The following DSE variants were observed in gnomAD, a reference collection of about 807,000 sequenced individuals.
DSE encodes the protein dermatan sulfate epimerase.
A neutral mutation model predicts 84.4 loss-of-function variants in DSE; 36 were observed. The observed-to-expected ratio is 0.43, with a 90% CI of 0.33 to 0.56. The LOEUF (loss-of-function observed/expected upper bound fraction) is 0.56, where lower values mean the gene tolerates loss of function less well. Among genes scored for constraint, DSE ranks in the 20% least tolerant of loss-of-function variants. DSE has a pLI of 0.06. For synonymous variants in DSE, 410 were observed against 430.1 expected, an observed-to-expected ratio of 0.95 and a Z score of 0.58; for missense variants, 862 against 1,169.6, an observed-to-expected ratio of 0.74 and a Z score of 3.84.
chr6:116,277,199 G>A (rs1309315044), intron 2 of DSE: 1 of 152,606 alleles, frequency 6.6e-6, no homozygotes, highest in African/African-American at 2.4e-5. Context: ...CATAAATTAG[G>A]TCACAAAACA....
At position 116,435,899 on chromosome 6, in the gene DSE, C is replaced by T. The variant is rs149181929; in HGVS notation, c.1431C>T (p.Tyr477=). The T allele has an allele frequency of 1.9e-6, 3 of 1,614,152 alleles. No individual in the cohort carries two copies. The highest frequency in any genetic ancestry group is 1.3e-5 in the African/African-American group (1 of 75,030). ...CTGAGGCTCTGTACGGGCCAAAGTA[C>T]ACCTTCTTCAACAATGTTTTGATGT... ...FITEALYGPK[Y]TFFNNVLMFS... Residue 477 remains tyrosine, a synonymous_variant, in exon 6 of 6, where the codon TAC becomes TAT. Transcript: ENST00000644252.
chr6:116,400,079 G>C (rs954731917), intron 2 of DSE: 1 of 168,796 alleles, frequency 5.9e-6, no homozygotes, highest in Middle Eastern at 2.8e-3. Flanking sequence ...TTTTATGATC[G>C]TAAGGAACTA....
chr6:116,426,014 C>T (rs1315167723), intron 2 of DSE, among the ~76,000 whole-genome samples: 1 of 152,202 alleles, frequency 6.6e-6, no homozygotes, highest in Non-Finnish European at 1.5e-5. Flanking sequence ...AGAATCAGCT[C>T]CCACTCACGT....
chr6:116,263,157 T>C (rs563211129), intron 2 of DSE, among the ~76,000 whole-genome samples: 1 of 152,336 alleles, frequency 6.6e-6, no homozygotes, highest in African/African-American at 2.4e-5. Flanking sequence ...GTTCAGGTCC[T>C]AAATATCTTT....
chr6:116,368,327 G>A (rs1779282800), upstream of DSE, among the ~76,000 whole-genome samples: 2 of 152,174 alleles, frequency 1.3e-5, no homozygotes, highest in Non-Finnish European at 1.5e-5. Context: ...ATCCAGTGTC[G>A]GTTGGCAGAG....
intron 2 of DSE, among the ~76,000 whole-genome samples, chr6:116,313,959 A>G (rs1775833036): frequency 6.6e-6 from 1 of 152,124 alleles, no homozygotes; most frequent in Non-Finnish European, 1.5e-5. Context: ...GTAAACTTAA[A>G]CCACCTAGGC....
At chr6:116,279,248 G>C in intron 2 of DSE, 1 of 1,608,614 alleles carries the variant, frequency 6.2e-7, no homozygotes, top group South Asian at 1.1e-5. Context: ...TCTGGCGGCT[G>C]CTCCTCTACC....
intron 5 of DSE, 117 bp from the exon 6 acceptor site, chr6:116,435,470 A>T: frequency 1.0e-6 from 1 of 1,004,720 alleles, no homozygotes; most frequent in Non-Finnish European, 1.4e-6. Flanking sequence ...TCCCTAATAT[A>T]CTCTGCACTG....
At chr6:116,372,417 G>A (rs1444344680) in intron 1 of DSE, among the ~76,000 whole-genome samples, 1 of 152,192 alleles carries the variant, frequency 6.6e-6, no homozygotes, top group African/African-American at 2.4e-5. Context: ...GCAGTGAGCC[G>A]AGATTGCGCC....
chr6:116,258,007 C>G (rs1190354873), intron 1 of DSE, among the ~76,000 whole-genome samples: 1 of 152,160 alleles, frequency 6.6e-6, no homozygotes, highest in East Asian at 1.9e-4. Context: ...TCAGATATAA[C>G]ATTTATTTTT....
chr6:116,433,274 A>G (rs1783956091), intron 4 of DSE, 69 bp from the exon 5 acceptor site: 1 of 1,427,122 alleles, frequency 7.0e-7, no homozygotes, highest in Non-Finnish European at 9.5e-7. Context: ...TTGAAAAGTC[A>G]TTGTTTAGAC....
At chr6:116,329,659 CTA>C (rs1394360012) in intron 2 of DSE, among the ~76,000 whole-genome samples, 1 of 152,178 alleles carries the variant, frequency 6.6e-6, no homozygotes, top group African/African-American at 2.4e-5. Flanking sequence ...CTTCAATCAA[CTA>C]TGAGTGATGT....
upstream of DSE, among the ~76,000 whole-genome samples, chr6:116,365,545 A>C (rs556743315): frequency 2.0e-5 from 3 of 152,320 alleles, no homozygotes; most frequent in East Asian, 3.9e-4. Context: ...GAGCCACCGC[A>C]CGTGGCCGGA....
At chr6:116,293,618 G>A (rs377030121) in intron 2 of DSE, among the ~76,000 whole-genome samples, 6 of 152,266 alleles carry the variant, frequency 3.9e-5, no homozygotes, top group Admixed American at 3.9e-4. Context: ...AAATGAGCTA[G>A]AGGCCAGACA....
At chr6:116,327,385 G>A (rs1447226762) in intron 2 of DSE, among the ~76,000 whole-genome samples, 1 of 152,192 alleles carries the variant, frequency 6.6e-6, no homozygotes, top group Non-Finnish European at 1.5e-5. Flanking sequence ...GAAGTGGAGA[G>A]TTTAAGGGAC....
intron 2 of DSE, among the ~76,000 whole-genome samples, chr6:116,295,039 T>A (rs1471340050): frequency 1.3e-5 from 2 of 151,994 alleles, no homozygotes; most frequent in Admixed American, 6.6e-5. Flanking sequence ...GGAGGGTGAT[T>A]TGGAAATAAA....
intron 2 of DSE, among the ~76,000 whole-genome samples, chr6:116,306,807 A>T (rs1775373877): frequency 6.6e-6 from 1 of 152,116 alleles, no homozygotes; most frequent in African/African-American, 2.4e-5. Context: ...TAATGATGGG[A>T]TTTGTGCCCT....
intron 2 of DSE, among the ~76,000 whole-genome samples, chr6:116,349,818 T>G (rs1227369144): frequency 6.6e-6 from 1 of 152,160 alleles, no homozygotes; most frequent in Admixed American, 6.5e-5. Flanking sequence ...TATTCAGCAG[T>G]TTTTCAAGCC....
At chr6:116,345,636 T>G (rs1777909620) in intron 2 of DSE, among the ~76,000 whole-genome samples, 1 of 152,100 alleles carries the variant, frequency 6.6e-6, no homozygotes, top group Non-Finnish European at 1.5e-5. Flanking sequence ...GAGGGAAATT[T>G]ATAGCACTAA....
Sources: allele counts gnomAD v4.1 joint callset (sites outside exome capture counted in the v4.1 genomes callset), GRCh38; gene constraint gnomAD v4.1.1; transcripts MANE v1.5; gene names NCBI Gene and HGNC (gene_info 2026-07-23, HGNC 2026-07-21).